Variants in CALD1 observed in about 807,000 individuals in gnomAD.
CALD1 encodes caldesmon 1, also known as caldesmon.
CALD1 carries 33 observed loss-of-function variants against 99.9 expected under a neutral mutation model. The ratio of observed to expected loss-of-function variants is 0.33; its 90% CI spans 0.25 to 0.44. The LOEUF (loss-of-function observed/expected upper bound fraction) is 0.44, where lower values mean the gene tolerates loss of function less well. CALD1 is among the 20% of genes least tolerant of loss of function. The pLI is 1.00. For missense variants in CALD1, 861 were observed against 962.1 expected (o/e 0.89, Z 1.39); for synonymous variants, 310 against 325.0 (o/e 0.95, Z 0.50).
At chr7:134,747,271 T>C (rs1796643086) in intron 1 of CALD1, among the ~76,000 whole-genome samples, 1 of 152,072 alleles carries the variant, frequency 6.6e-6, no homozygotes, top group South Asian at 2.1e-4. Context: ...AAGAGTGAGA[T>C]AAAGTGCAGA....
At chr7:134,726,888 C>T in the CALD1 span, among the ~76,000 whole-genome samples, 1 of 152,200 alleles carries the variant, frequency 6.6e-6, no homozygotes, top group Admixed American at 6.5e-5. Flanking sequence ...TCACAGCTCA[C>T]CCCTGAAGTC....
At chr7:134,766,828 C>A (rs1223768985) in intron 1 of CALD1, among the ~76,000 whole-genome samples, 9 of 151,846 alleles carry the variant, frequency 5.9e-5, no homozygotes, top group Non-Finnish European at 8.8e-5. Flanking sequence ...GGGATCGTGG[C>A]GGGCAGACAG....
At chr7:134,876,214 C>G (rs1234458609) in intron 3 of CALD1, among the ~76,000 whole-genome samples, 1 of 152,266 alleles carries the variant, frequency 6.6e-6, no homozygotes, top group Admixed American at 6.5e-5. Flanking sequence ...GGGGCCGATG[C>G]CTTCTGGCCA....
At chr7:134,837,061 G>T (rs2167754) in intron 1 of CALD1, among the ~76,000 whole-genome samples, 152,012 of 152,012 alleles carry the variant, frequency 1, 76,006 homozygotes, top group Non-Finnish European at 1. Context: ...TTTACCATAT[G>T]GGCTTCTCTG....
Position 134,947,776 on chromosome 7 carries a change from CG to C in CALD1, c.1794+10del. Reference sequence around the variant, plus strand: ...TCGAAAACTCAGAGAGGAGGTAAGGCGGGCGCTAGCCCACTGAGAACGTTGC... The same window carrying C: ...TCGAAAACTCAGAGAGGAGGTAAGGCGGCGCTAGCCCACTGAGAACGTTGC... On this transcript the variant is annotated splice_region_variant and intron_variant, in intron 8 of 14. Transcript: ENST00000361675. 2.5e-6 allele frequency: 4 copies of C among 1,612,140 alleles called. No individual in the cohort carries two copies. Among genetic ancestry groups the C allele is most frequent in the Non-Finnish European group, 3.4e-6 (4 of 1,179,002 alleles).
the CALD1 span, among the ~76,000 whole-genome samples, chr7:134,723,163 T>C: frequency 6.6e-6 from 1 of 152,226 alleles, no homozygotes; most frequent in Admixed American, 6.5e-5. Context: ...CTTTTTGAGT[T>C]TCAGTTCTTG....
intron 2 of CALD1, among the ~76,000 whole-genome samples, chr7:134,846,819 T>C (rs1340824317): frequency 6.6e-6 from 1 of 152,230 alleles, no homozygotes; most frequent in Admixed American, 6.5e-5. Context: ...CTTTCCTCTT[T>C]GTGTTCTTGG....
intron 3 of CALD1, among the ~76,000 whole-genome samples, chr7:134,917,951 T>C (rs1804336104): frequency 6.6e-6 from 1 of 152,236 alleles, no homozygotes; most frequent in Non-Finnish European, 1.5e-5. Flanking sequence ...CAACCCTGTC[T>C]TTCCTTACAT....
At chr7:134,951,617 G>A (rs1807344440) in intron 9 of CALD1, among the ~76,000 whole-genome samples, 1 of 152,202 alleles carries the variant, frequency 6.6e-6, no homozygotes, top group African/African-American at 2.4e-5. Context: ...TTTCCAGGAT[G>A]GCTTTGGTCC....
At chr7:134,897,680 T>G (rs1802679457) in intron 3 of CALD1, among the ~76,000 whole-genome samples, 1 of 151,796 alleles carries the variant, frequency 6.6e-6, no homozygotes. Flanking sequence ...AGGTTTTTTG[T>G]TTTGTTTTGT....
chr7:134,797,634 C>G (rs1203895159), intron 1 of CALD1, among the ~76,000 whole-genome samples: 10 of 152,130 alleles, frequency 6.6e-5, no homozygotes, highest in Admixed American at 5.9e-4. Flanking sequence ...TGCTCTGTGG[C>G]CAGGCTGGAG....
chr7:134,716,598 G>A, the CALD1 span, among the ~76,000 whole-genome samples: 1 of 152,140 alleles, frequency 6.6e-6, no homozygotes, highest in African/African-American at 2.4e-5. Flanking sequence ...TAAATGGACA[G>A]AGTGAAAACA....
At chr7:134,943,506 T>C (rs999479702) in intron 7 of CALD1, among the ~76,000 whole-genome samples, 3 of 152,170 alleles carry the variant, frequency 2.0e-5, no homozygotes, top group Admixed American at 6.5e-5. Context: ...AAACATGACA[T>C]AAAAATCTCA....
chr7:134,874,923 T>C (rs944613121), intron 3 of CALD1, among the ~76,000 whole-genome samples: 3 of 152,228 alleles, frequency 2.0e-5, no homozygotes, highest in Admixed American at 1.3e-4. Flanking sequence ...TGAATGATTA[T>C]ACAACACACA....
chr7:134,934,989 T>A (rs567507291), intron 5 of CALD1, among the ~76,000 whole-genome samples: 14 of 151,792 alleles, frequency 9.2e-5, no homozygotes, highest in Admixed American at 7.2e-4. Flanking sequence ...AAAAAAAAAG[T>A]CAAAACCCTG....
chr7:134,786,861 T>A (rs963320809), intron 1 of CALD1, among the ~76,000 whole-genome samples: 1 of 152,230 alleles, frequency 6.6e-6, no homozygotes, highest in African/African-American at 2.4e-5. Flanking sequence ...TATATACCCA[T>A]GCATCTTAAC....
At chr7:134,902,044 T>A (rs878927492) in intron 3 of CALD1, among the ~76,000 whole-genome samples, 2 of 152,144 alleles carry the variant, frequency 1.3e-5, no homozygotes, top group Admixed American at 1.3e-4. Context: ...GCAACGAGCC[T>A]GGGCATTACC....
chr7:134,785,888 T>A (rs993087693), intron 1 of CALD1, among the ~76,000 whole-genome samples: 1 of 152,238 alleles, frequency 6.6e-6, no homozygotes, highest in Non-Finnish European at 1.5e-5. Context: ...GAACTGAATA[T>A]ATAAATTCAT....
intron 1 of CALD1, among the ~76,000 whole-genome samples, chr7:134,746,657 A>C (rs1230124988): frequency 6.6e-6 from 1 of 152,204 alleles, no homozygotes; most frequent in Non-Finnish European, 1.5e-5. Flanking sequence ...TGTAGAGAAA[A>C]CCTCAGTCTT....
Sources: gnomAD v4.1 joint callset for allele counts (sites outside exome capture counted in the v4.1 genomes callset) on GRCh38, gnomAD v4.1.1 for gene constraint, MANE v1.5 for transcripts, NCBI Gene and HGNC (gene_info 2026-07-23, HGNC 2026-07-21) for gene names.